SFMBT1: variants seen among roughly 807,000 people sequenced by gnomAD.
SFMBT1 encodes the protein scm-like with four MBT domains protein 1.
Under a neutral mutation model 108.7 loss-of-function variants are expected in SFMBT1, and 32 were observed. That is an observed-to-expected ratio of 0.29 (90% CI 0.22 to 0.40). The LOEUF is 0.40. Among genes scored for constraint, SFMBT1 ranks in the 10% least tolerant of loss-of-function variants. The probability of loss-of-function intolerance (pLI) is 1.00; values close to 1 mark genes in which losing one functional copy is unlikely to be tolerated. For synonymous variants in SFMBT1, 348 were observed against 369.5 expected (o/e 0.94, Z 0.67); for missense variants, 816 against 1,059.6 (o/e 0.77, Z 3.19).
At chr3:52,982,729 C>CAAAAAAAAAAAAAAAAAAAAAA (rs34099481) in intron 1 of SFMBT1, among the ~76,000 whole-genome samples, 7 of 69,110 alleles carry the variant, frequency 1.0e-4, no homozygotes, top group African/African-American at 4.5e-4. Context: ...ACTCCCATCT[C>CAAAAAAAAAAAAAAAAAAAAAA]AAAAAAAAAA....
intron 8 of SFMBT1, chr3:52,928,607 TAC>T (rs201146496): frequency 0.14 from 13,196 of 93,406 alleles, 988 homozygotes; most frequent in Admixed American, 0.22. Context: ...TATACATATA[TAC>T]ATATATATAC....
At chr3:52,975,344 T>C in intron 1 of SFMBT1, among the ~76,000 whole-genome samples, 1 of 152,146 alleles carries the variant, frequency 6.6e-6, no homozygotes, top group East Asian at 1.9e-4. Context: ...TTTCTTCTGA[T>C]TCTATGGTTG....
In SFMBT1 at chr3:52,943,358, G is replaced by C. The variant is rs1408410599; in HGVS notation, c.359C>G (p.Pro120Arg). 6.2e-7 allele frequency: 1 copy of C among 1,614,108 alleles called. No homozygotes were observed. The highest frequency in any genetic ancestry group is 1.7e-5 in the Admixed American group (1 of 60,026). ...CEQNKKTLEA[P>R]EGIRDKVSDW... Reference sequence around the variant, plus strand: ...GATAGGAAGTATTTCATTACCTTCTGGGGCTTCAAGGGTCTTCTTATTCTG... The same window carrying C: ...GATAGGAAGTATTTCATTACCTTCTCGGGCTTCAAGGGTCTTCTTATTCTG... Residue 120 changes from proline to arginine, a missense_variant, in exon 4 of 21, where the codon CCA becomes CGA. This residue lies in a region of SFMBT1 where 495 missense variants were observed against 607.4 expected (regional missense o/e 0.81). Coordinates refer to ENST00000394752, the MANE Select transcript of SFMBT1 (RefSeq NM_016329.4).
intron 3 of SFMBT1, among the ~76,000 whole-genome samples, chr3:52,947,368 C>T (rs1703406509): frequency 2.0e-5 from 3 of 152,240 alleles, no homozygotes; most frequent in East Asian, 1.9e-4. Context: ...CCGCCCGCCT[C>T]GGCCTCCCAA....
chr3:52,949,859 G>A (rs370278942), intron 3 of SFMBT1, among the ~76,000 whole-genome samples: 11 of 152,042 alleles, frequency 7.2e-5, no homozygotes, highest in Admixed American at 5.9e-4. Context: ...GATTACAGGC[G>A]TAATGTCCTA....
intron 1 of SFMBT1, among the ~76,000 whole-genome samples, chr3:53,032,107 T>A (rs1699706334): frequency 6.6e-6 from 1 of 152,214 alleles, no homozygotes; most frequent in South Asian, 2.1e-4. Flanking sequence ...CAATGGCTCA[T>A]GCCTGTAATC....
At chr3:52,991,507 G>A (rs1705129140) in intron 1 of SFMBT1, among the ~76,000 whole-genome samples, 1 of 151,386 alleles carries the variant, frequency 6.6e-6, no homozygotes, top group Non-Finnish European at 1.5e-5. Context: ...ACCATGCCTG[G>A]CTAATTTTTG....
intron 1 of SFMBT1, among the ~76,000 whole-genome samples, chr3:53,004,299 A>C (rs1698666413): frequency 7.7e-6 from 1 of 130,336 alleles, no homozygotes; most frequent in East Asian, 2.2e-4. Context: ...TTTTAGATGG[A>C]GTCTCGCTCT....
At chr3:52,942,893 ATTGT>A (rs1334395870) in intron 4 of SFMBT1, among the ~76,000 whole-genome samples, 1 of 152,126 alleles carries the variant, frequency 6.6e-6, no homozygotes, top group East Asian at 1.9e-4. Context: ...TTTTGCCTTT[ATTGT>A]CTCTCTTCTG....
chr3:52,905,190 A>G lies in SFMBT1; in HGVS notation c.2547T>C (p.Leu849=). 1 of 1,614,114 alleles carries G rather than the reference A, an allele frequency of 6.2e-7. No homozygotes were observed. Among genetic ancestry groups the G allele is most frequent in the Non-Finnish European group, 8.5e-7 (1 of 1,179,984 alleles). Residue 849 remains leucine (L), a synonymous_variant, in exon 21 of 21, where the codon CTT becomes CTC. Coordinates refer to ENST00000394752, the MANE Select transcript of SFMBT1 (RefSeq NM_016329.4). ...MDLKLGPAIK[L]CHHIERIKFA... is the part of the protein sequence containing the mutation. Reference sequence around the variant, plus strand: ...ACTTGATCCTCTCTATGTGATGGCAAAGTTTGATGGCAGGGCCCAATTTTA... The same window carrying G: ...ACTTGATCCTCTCTATGTGATGGCAGAGTTTGATGGCAGGGCCCAATTTTA...
At chr3:53,034,178 G>C (rs956780526) in intron 1 of SFMBT1, among the ~76,000 whole-genome samples, 1 of 151,548 alleles carries the variant, frequency 6.6e-6, no homozygotes, top group African/African-American at 2.4e-5. Context: ...TTGAAGGAAT[G>C]TGTTTTAATA....
At chr3:52,932,544 C>T (rs1011982633) in intron 5 of SFMBT1, among the ~76,000 whole-genome samples, 1 of 152,206 alleles carries the variant, frequency 6.6e-6, no homozygotes, top group African/African-American at 2.4e-5. Flanking sequence ...TAACACATCT[C>T]TATCTCTAGG....
chr3:52,989,758 C>A (rs576236359), intron 1 of SFMBT1, among the ~76,000 whole-genome samples: 1 of 151,338 alleles, frequency 6.6e-6, no homozygotes, highest in African/African-American at 2.4e-5. Context: ...CACGCCACTG[C>A]ACTCCAGCCT....
At chr3:53,045,381 C>A (rs1700196016) in intron 1 of SFMBT1, 1 of 137,818 alleles carries the variant, frequency 7.3e-6, no homozygotes, top group Non-Finnish European at 1.6e-5. Context: ...GGGGCGCGCG[C>A]GGGGAGGGGC....
At chr3:52,917,414 A>G (rs947292065) in intron 13 of SFMBT1, among the ~76,000 whole-genome samples, 3 of 152,124 alleles carry the variant, frequency 2.0e-5, no homozygotes, top group Non-Finnish European at 4.4e-5. Flanking sequence ...GGGGAGAGAA[A>G]GATTTTTCCA....
rs1465591126 is a variant in SFMBT1, at chr3:52,907,127, T to C, written c.2273A>G (p.Lys758Arg). Residue 758 changes from lysine (K) to arginine (R), a missense_variant, in exon 19 of 21, where the codon AAA becomes AGA. By Grantham distance (26) the Lys-to-Arg change is conservative (BLOSUM62 2). Around this residue, in one of 5 missense-constraint regions of SFMBT1, gnomAD observed 177 missense variants for 182.0 expected, o/e 0.97. Transcript: ENST00000394752. Reference sequence around the variant, plus strand: ...AAATGAAAAGGTGCGAAGCTCCCTTTTTCTCCTTTGTCTATCTGGAGGCAG... The same window carrying C: ...AAATGAAAAGGTGCGAAGCTCCCTTCTTCTCCTTTGTCTATCTGGAGGCAG... ...TSLPPDRQRR[K>R]RELRTFSFSD... 12 of 1,614,096 alleles carry C rather than the reference T, an allele frequency of 7.4e-6. No homozygotes were observed. Among genetic ancestry groups the C allele is most frequent in the Non-Finnish European group, 1.0e-5 (12 of 1,180,044 alleles).
At chr3:52,951,215 C>CTTTTT (rs139907776) in intron 3 of SFMBT1, among the ~76,000 whole-genome samples, 64 of 135,798 alleles carry the variant, frequency 4.7e-4, no homozygotes, top group Admixed American at 3.8e-4. Context: ...CTCTAACACT[C>CTTTTT]TTTTTTCCTT....
rs1704575048 is a variant in SFMBT1, at chr3:52,977,982, G to T, written c.-130-8724C>A. On this transcript the variant is annotated intron_variant, in intron 1 of 20. Transcript: ENST00000394752. Reference sequence around the variant, plus strand: ...TCATTCTTTCAATAAATATTTACTGGAAACTTATTATGTGTCAGGCACAAT... The same window carrying T: ...TCATTCTTTCAATAAATATTTACTGTAAACTTATTATGTGTCAGGCACAAT... Among the ~76,000 whole-genome samples, 4 of 150,820 alleles carry T rather than the reference G, an allele frequency of 2.7e-5. No individual in the cohort carries two copies. In the South Asian group the frequency reaches 8.3e-4, roughly 31 times the overall value.
chr3:52,904,646 T>C lies in SFMBT1; in HGVS notation c.*490A>G, dbSNP rs1230500458. ...AATGAACTGTTTTAATTTTAAAAAG[T>C]TTAAAAACACAATGACAATGAAGCA... On this transcript the variant is annotated 3_prime_UTR_variant, in exon 21 of 21. Coordinates refer to ENST00000394752, the MANE Select transcript of SFMBT1 (RefSeq NM_016329.4). 2 of 152,908 alleles carry C rather than the reference T, an allele frequency of 1.3e-5. No individual in the cohort carries two copies. Among genetic ancestry groups the C allele is most frequent in the African/African-American group, 4.8e-5 (2 of 41,532 alleles). 9.5% of individuals were successfully genotyped at this position (152,908 alleles called of 1,614,324 possible). A position where few individuals can be genotyped will look rare whatever the true frequency, so the allele number is the denominator to read the frequency against.
Sources: gnomAD v4.1 joint callset for allele counts (sites outside exome capture counted in the v4.1 genomes callset) on GRCh38, gnomAD v4.1.1 for gene constraint, gnomAD v4.1.1 regional missense constraint, MANE v1.5 for transcripts, NCBI Gene and HGNC (gene_info 2026-07-23, HGNC 2026-07-21) for gene names.